Variants in MYLK observed in about 807,000 individuals in gnomAD.
MYLK encodes the protein myosin light chain kinase, smooth muscle.
Under a neutral mutation model 203.4 loss-of-function variants are expected in MYLK, and 106 were observed. The observed-to-expected ratio is 0.52, with a 90% CI of 0.45 to 0.61. The LOEUF is 0.61. MYLK is among the 20% of genes least tolerant of loss of function. The pLI, the probability that MYLK is intolerant of heterozygous loss-of-function variation, is 0.00. For synonymous variants in MYLK, 867 were observed against 959.5 expected (o/e 0.90, Z 1.78); for missense variants, 2,072 against 2,442.3 (o/e 0.85, Z 3.20).
chr3:123,776,118 C>T (rs1443642829), intron 4 of MYLK, among the ~76,000 whole-genome samples: 1 of 152,170 alleles, frequency 6.6e-6, no homozygotes, highest in East Asian at 1.9e-4. Flanking sequence ...CCTGCTGGTC[C>T]CCGTGTGGCA....
intron 3 of MYLK, among the ~76,000 whole-genome samples, chr3:123,823,853 G>C (rs911292861): frequency 6.6e-6 from 1 of 152,144 alleles, no homozygotes; most frequent in African/African-American, 2.4e-5. Flanking sequence ...CTGCTTTGCT[G>C]TTCCTCCAAC....
intron 27 of MYLK, chr3:123,646,874 G>A (rs994584366): frequency 6.6e-6 from 2 of 301,714 alleles, no homozygotes; most frequent in African/African-American, 4.3e-5. Context: ...ACCACCTTCA[G>A]GTGTGAATGC....
intron 4 of MYLK, among the ~76,000 whole-genome samples, chr3:123,771,062 G>C (rs898955459): frequency 1.3e-5 from 2 of 152,214 alleles, no homozygotes; most frequent in Admixed American, 1.3e-4. Context: ...AAAGGTGAGA[G>C]AGACTATGAA....
Position 123,722,298 on chromosome 3 carries a change from G to A in MYLK, c.1652-18C>T. The A allele has an allele frequency of 6.4e-7, 1 of 1,561,842 alleles. No homozygotes were observed. The highest frequency in any genetic ancestry group is 8.7e-7 in the Non-Finnish European group (1 of 1,152,890). Reference sequence around the variant, plus strand: ...GGGCTGCCCTGTGGAGGAAGCACAGGAAGGCTCAGGCCAGGCAGCACTGGC... The same window carrying A: ...GGGCTGCCCTGTGGAGGAAGCACAGAAAGGCTCAGGCCAGGCAGCACTGGC... On this transcript the variant is annotated intron_variant, in intron 12 of 33. Transcript: ENST00000360304.
At chr3:123,694,010 A>C (rs1181151639) in intron 18 of MYLK, among the ~76,000 whole-genome samples, 1 of 152,200 alleles carries the variant, frequency 6.6e-6, no homozygotes, top group Non-Finnish European at 1.5e-5. Flanking sequence ...GTGGACACCA[A>C]CTACTGTCCC....
At chr3:123,820,592 C>G (rs528028117) in intron 3 of MYLK, among the ~76,000 whole-genome samples, 8 of 145,792 alleles carry the variant, frequency 5.5e-5, no homozygotes, top group African/African-American at 1.6e-4. Context: ...GACTATTCAG[C>G]TAAGCTACCA....
intron 5 of MYLK, among the ~76,000 whole-genome samples, chr3:123,750,852 C>T (rs1375384941): frequency 1.3e-5 from 2 of 152,160 alleles, no homozygotes; most frequent in Non-Finnish European, 2.9e-5. Context: ...CTGGAATGCC[C>T]CAGCCAAAAG....
In MYLK at chr3:123,677,650, G is replaced by GA. The variant is rs372386333; in HGVS notation, c.3652+4573dup. ...TATTATTAAATATTCATCAACAGGA[G>GA]AAAAAGATAGCCACAAAGAACATTA... On this transcript the variant is annotated intron_variant, in intron 20 of 33. Transcript: ENST00000360304. Among the ~76,000 whole-genome samples the GA allele has an allele frequency of 5.4e-3, 824 of 151,738 alleles. 4 individuals carry two copies. Among genetic ancestry groups the GA allele is most frequent in the African/African-American group, 0.019 (781 of 41,356 alleles).
intron 19 of MYLK, chr3:123,691,685 A>G (rs1053312682): frequency 6.6e-6 from 1 of 152,252 alleles, no homozygotes; most frequent in Admixed American, 6.5e-5. Context: ...AACTCAACTG[A>G]TCACACACAG....
chr3:123,664,763 GAATA>G (rs2059682195), intron 22 of MYLK, among the ~76,000 whole-genome samples: 1 of 152,114 alleles, frequency 6.6e-6, no homozygotes, highest in Admixed American at 6.5e-5. Flanking sequence ...CCTGACAATG[GAATA>G]TTTATTATTA....
At chr3:123,614,909 T>C (rs1028150238) in intron 33 of MYLK, among the ~76,000 whole-genome samples, 10 of 151,998 alleles carry the variant, frequency 6.6e-5, no homozygotes, top group African/African-American at 1.9e-4. Context: ...TGGGCTCAAG[T>C]GATCCTCCTC....
Position 123,738,980 on chromosome 3 carries a change from G to T in MYLK, c.505C>A (p.Arg169=). ...CPPKFATKLG[R]VVVKEGQMGR... is the part of the protein sequence containing the mutation. ...ATCTGTCCTTCTTTGACCACAACTC[G>T]GCCCAGCTTGGTAGCAAACTTTGGT... Residue 169 remains arginine (R), a synonymous_variant, in exon 7 of 34, where the codon CGA becomes AGA. Transcript: ENST00000360304. The T allele has an allele frequency of 6.2e-7, 1 of 1,613,526 alleles. No individual in the cohort carries two copies.
chr3:123,873,840 T>C (rs1280601665), intron 2 of MYLK, among the ~76,000 whole-genome samples: 4 of 152,148 alleles, frequency 2.6e-5, no homozygotes, highest in African/African-American at 4.8e-5. Context: ...ACTAAATCAA[T>C]TGTAGTTATA....
intron 2 of MYLK, among the ~76,000 whole-genome samples, chr3:123,849,753 T>G (rs1250058615): frequency 6.6e-6 from 1 of 152,222 alleles, no homozygotes; most frequent in Non-Finnish European, 1.5e-5. Flanking sequence ...ATTCATTTTT[T>G]TTTATTATAC....
At chr3:123,804,670 T>C (rs1229481950) in intron 3 of MYLK, among the ~76,000 whole-genome samples, 1 of 152,118 alleles carries the variant, frequency 6.6e-6, no homozygotes, top group East Asian at 1.9e-4. Context: ...GATACTTTGC[T>C]AGGAAGACCC....
At chr3:123,668,363 G>T (rs1045898938) in intron 20 of MYLK, among the ~76,000 whole-genome samples, 3 of 152,218 alleles carry the variant, frequency 2.0e-5, no homozygotes, top group Non-Finnish European at 4.4e-5. Flanking sequence ...GAACATGGAT[G>T]AATCTCAATG....
intron 13 of MYLK, among the ~76,000 whole-genome samples, chr3:123,718,117 C>T (rs1403256820): frequency 2.6e-5 from 4 of 152,084 alleles, no homozygotes. Flanking sequence ...CTGCCTTGGC[C>T]TCCCAAAGTG....
intron 4 of MYLK, among the ~76,000 whole-genome samples, chr3:123,779,857 C>T (rs113771743): frequency 9.2e-5 from 14 of 152,196 alleles, no homozygotes; most frequent in South Asian, 4.1e-4. Flanking sequence ...CATTCCCACA[C>T]GACATGCCAG....
At chr3:123,744,191 C>T (rs1157166002) in intron 5 of MYLK, among the ~76,000 whole-genome samples, 3 of 152,154 alleles carry the variant, frequency 2.0e-5, no homozygotes, top group African/African-American at 7.2e-5. Flanking sequence ...TAAAGCATTA[C>T]GGTGATATAG....
Sources: gnomAD v4.1 joint callset for allele counts (sites outside exome capture counted in the v4.1 genomes callset) on GRCh38, gnomAD v4.1.1 for gene constraint, MANE v1.5 for transcripts, NCBI Gene and HGNC (gene_info 2026-07-23, HGNC 2026-07-21) for gene names.